The following GLB1 variants were observed in gnomAD, a reference collection of about 807,000 sequenced individuals.
GLB1 encodes the protein beta-galactosidase.
A neutral mutation model predicts 74.0 loss-of-function variants in GLB1; 56 were observed. The observed-to-expected ratio is 0.76, with a 90% CI of 0.61 to 0.94. GLB1 has a LOEUF of 0.94. GLB1 is among the 40% of genes least tolerant of loss of function. The pLI is 0.00. For missense variants in GLB1, 787 were observed against 845.5 expected (o/e 0.93, Z 0.86); for synonymous variants, 323 against 323.6 (o/e 1.00, Z 0.02).
chr3:33,061,825 C>T (rs954009692), intron 5 of GLB1: 2 of 152,174 alleles, frequency 1.3e-5, no homozygotes, highest in African/African-American at 2.4e-5. Flanking sequence ...CTGAGATAAA[C>T]ATCCACATAT....
the GLB1 span, among the ~76,000 whole-genome samples, chr3:32,969,125 A>T: frequency 6.6e-6 from 1 of 152,094 alleles, no homozygotes; most frequent in Non-Finnish European, 1.5e-5. Flanking sequence ...TATTTTACTG[A>T]TGGAAGCAGT....
At chr3:33,045,082 G>A (rs1192052068) in intron 10 of GLB1, among the ~76,000 whole-genome samples, 3 of 152,102 alleles carry the variant, frequency 2.0e-5, no homozygotes, top group Non-Finnish European at 4.4e-5. Context: ...TTACATTTAA[G>A]ATAAATAATA....
chr3:32,974,519 A>G, the GLB1 span, among the ~76,000 whole-genome samples: 1 of 152,172 alleles, frequency 6.6e-6, no homozygotes, highest in South Asian at 2.1e-4. Context: ...ATTTATAAAT[A>G]TCATAAAAAA....
At chr3:32,987,599 T>C in the GLB1 span, among the ~76,000 whole-genome samples, 2 of 152,236 alleles carry the variant, frequency 1.3e-5, no homozygotes, top group Non-Finnish European at 2.9e-5. Context: ...CCCATGAGAC[T>C]GCATTGAACT....
intron 10 of GLB1, among the ~76,000 whole-genome samples, chr3:33,027,604 G>A (rs1314274758): frequency 2.0e-5 from 3 of 152,116 alleles, no homozygotes; most frequent in African/African-American, 7.2e-5. Context: ...CCAACGTGGT[G>A]AAACCCCATC....
At chr3:33,058,345 A>G (rs1033106037) in intron 5 of GLB1, 76 bp from the exon 6 acceptor site, 4 of 1,590,958 alleles carry the variant, frequency 2.5e-6, no homozygotes, top group Non-Finnish European at 3.4e-6. Context: ...TTGTGTGGGA[A>G]AATATCTGAG....
At chr3:33,095,176 A>G (rs1048333563) in intron 1 of GLB1, among the ~76,000 whole-genome samples, 9 of 132,476 alleles carry the variant, frequency 6.8e-5, no homozygotes, top group Admixed American at 6.3e-4. Flanking sequence ...GTGCCACTGC[A>G]CTCCAGCCTG....
Position 33,018,560 on chromosome 3 carries a change from T to C in GLB1, c.1235A>G (p.His412Arg), listed in dbSNP as rs1278515314. 1.2e-6 allele frequency: 2 copies of C among 1,614,140 alleles called. No homozygotes were observed. Among genetic ancestry groups the C allele is most frequent in the South Asian group, 2.2e-5 (2 of 91,086 alleles). Residue 412 changes from histidine to arginine, a missense_variant and splice_region_variant, in exon 13 of 16, where the codon CAT (histidine) becomes CGT (arginine). Physicochemically the swap from His to Arg is conservative, Grantham distance 29 (BLOSUM62 0). Transcript: ENST00000307363. Reference sequence around the variant, plus strand: ...TGTCCGGTACAGCACAAACCCATAATGCTGGTTAGAAAAGGATTTAAGAAA... The same window carrying C: ...TGTCCGGTACAGCACAAACCCATAACGCTGGTTAGAAAAGGATTTAAGAAA... Reference protein sequence around the residue: ...YPLTFIQVKQHYGFVLYRTTL... With the variant: ...YPLTFIQVKQRYGFVLYRTTL...
At chr3:33,063,741 C>T (rs1317849429) in intron 5 of GLB1, among the ~76,000 whole-genome samples, 3 of 152,130 alleles carry the variant, frequency 2.0e-5, no homozygotes, top group Non-Finnish European at 4.4e-5. Flanking sequence ...CAAAGACGCA[C>T]CCAAGTTTCA....
intron 1 of GLB1, among the ~76,000 whole-genome samples, chr3:33,082,745 G>A (rs1484550264): frequency 6.6e-6 from 1 of 152,234 alleles, no homozygotes. Context: ...CCTCTTGCCC[G>A]GGGCTGTGTC....
chr3:32,984,155 G>A, the GLB1 span, among the ~76,000 whole-genome samples: 2 of 152,052 alleles, frequency 1.3e-5, no homozygotes, highest in African/African-American at 4.8e-5. Flanking sequence ...CACAAATTTA[G>A]AACATAAATC....
In GLB1 at chr3:33,093,121, T is replaced by G; in HGVS notation, c.75+3890A>C. 1.9e-6 allele frequency: 3 copies of G among 1,614,208 alleles called. No homozygotes were observed. Among genetic ancestry groups the G allele is most frequent in the Non-Finnish European group, 2.5e-6 (3 of 1,180,038 alleles). ...AGCAAGATGATTGTGTGGTCTGGGC[T>G]GCAGCCCTCCAGGGCCTTGTCAAGA... On this transcript the variant is annotated intron_variant, in intron 1 of 15. Transcript: ENST00000307363. The surrounding 1 kb of genome is among the most constrained non-coding windows in gnomAD (Gnocchi z 6.0).
chr3:33,071,764 A>C (rs1041471811), intron 2 of GLB1, among the ~76,000 whole-genome samples: 2 of 152,042 alleles, frequency 1.3e-5, no homozygotes, highest in Non-Finnish European at 2.9e-5. Flanking sequence ...AGTGTGGGTC[A>C]TAGAAATTAG....
At chr3:32,989,608 A>G in the GLB1 span, among the ~76,000 whole-genome samples, 1 of 152,208 alleles carries the variant, frequency 6.6e-6, no homozygotes, top group Non-Finnish European at 1.5e-5. Flanking sequence ...GTCAATCACC[A>G]AAACCTGGGG....
At chr3:32,989,538 C>T in the GLB1 span, among the ~76,000 whole-genome samples, 15 of 152,268 alleles carry the variant, frequency 9.9e-5, no homozygotes, top group African/African-American at 4.8e-5. Context: ...GACCTGTATC[C>T]ACTGGGGACC....
chr3:33,027,228 C>G (rs1697804957), intron 10 of GLB1, among the ~76,000 whole-genome samples: 2 of 152,258 alleles, frequency 1.3e-5, no homozygotes. Flanking sequence ...CCAGCTGCAG[C>G]CTTGCAGAGG....
At chr3:33,011,638 CAAAAAAAAA>C in intron 15 of GLB1, among the ~76,000 whole-genome samples, 1 of 84,080 alleles carries the variant, frequency 1.2e-5, no homozygotes, top group South Asian at 4.2e-4. Flanking sequence ...GAGTCCATCT[CAAAAAAAAA>C]AAAAAAAAAG....
chr3:33,069,108 G>A, intron 2 of GLB1, 138 bp from the exon 3 acceptor site: 1 of 1,458,536 alleles, frequency 6.9e-7, no homozygotes, highest in East Asian at 2.4e-5. Context: ...AATTATCCAA[G>A]GCTGGGCACA....
At chr3:33,018,592 T>C in intron 12 of GLB1, 31 bp from the exon 13 acceptor site, 1 of 1,608,736 alleles carries the variant, frequency 6.2e-7, no homozygotes, top group Non-Finnish European at 8.5e-7. Context: ...GAAAAATACA[T>C]CACTATTGCC....
Sources: allele counts gnomAD v4.1 joint callset (sites outside exome capture counted in the v4.1 genomes callset), GRCh38; gene constraint gnomAD v4.1.1; non-coding constraint Gnocchi (gnomAD v3.1); transcripts MANE v1.5; gene names NCBI Gene and HGNC (gene_info 2026-07-23, HGNC 2026-07-21).